Variants in SHISA9 observed in about 807,000 individuals in gnomAD.
SHISA9 encodes the protein shisa family member 9.
In SHISA9, 13 loss-of-function variants were observed where a neutral mutation model predicts 38.0. That is an observed-to-expected ratio of 0.34 (90% CI 0.22 to 0.54). The LOEUF is 0.54. Ranked by LOEUF, SHISA9 falls within the 20% of genes least tolerant of loss-of-function variation. The pLI is 0.91. For synonymous variants in SHISA9, 275 were observed against 242.0 expected, an observed-to-expected ratio of 1.14 and a Z score of -1.27; for missense variants, 538 against 575.8, an observed-to-expected ratio of 0.93 and a Z score of 0.67.
chr16:13,464,154 T>A, the SHISA9 span, among the ~76,000 whole-genome samples: 1 of 152,214 alleles, frequency 6.6e-6, no homozygotes, highest in Non-Finnish European at 1.5e-5. Context: ...TGTGACTTTC[T>A]TTATAGAGTA....
intron 2 of SHISA9, 109 bp downstream of exon 2, chr16:12,916,924 G>C: frequency 8.0e-7 from 1 of 1,247,052 alleles, no homozygotes; most frequent in South Asian, 1.7e-5. Context: ...CTCTTTGTGG[G>C]CAAGTTAGAA....
intron 2 of SHISA9, among the ~76,000 whole-genome samples, chr16:13,039,540 A>G (rs1341011469): frequency 7.1e-6 from 1 of 141,048 alleles, no homozygotes; most frequent in Non-Finnish European, 1.5e-5. Flanking sequence ...ATTAAGGAGG[A>G]TGACATATTG....
the SHISA9 span, among the ~76,000 whole-genome samples, chr16:13,377,800 G>C: frequency 1.3e-4 from 20 of 152,202 alleles, no homozygotes; most frequent in Non-Finnish European, 2.2e-4. Flanking sequence ...GGCCAAGGTG[G>C]GCGGATCACT....
the SHISA9 span, among the ~76,000 whole-genome samples, chr16:13,434,424 T>TTTTTTTTGTTTGTTTTG: frequency 2.7e-4 from 35 of 127,418 alleles, 1 homozygote; most frequent in South Asian, 1.1e-3. Context: ...GCTATGTTTT[T>TTTTTTTTGTTTGTTTTG]TTTTTTTTTT....
intron 2 of SHISA9, among the ~76,000 whole-genome samples, chr16:12,993,169 T>C (rs753007035): frequency 5.9e-5 from 9 of 152,198 alleles, no homozygotes; most frequent in Non-Finnish European, 1.2e-4. Context: ...TCCGTGAGGC[T>C]CCCAGGCACC....
chr16:13,554,018 A>G, the SHISA9 span, among the ~76,000 whole-genome samples: 1 of 152,196 alleles, frequency 6.6e-6, no homozygotes, highest in Non-Finnish European at 1.5e-5. Flanking sequence ...CAAGACCACA[A>G]CTATGAGTGT....
At chr16:13,278,550 GT>G in the SHISA9 span, among the ~76,000 whole-genome samples, 1 of 151,810 alleles carries the variant, frequency 6.6e-6, no homozygotes, top group African/African-American at 2.4e-5. Context: ...TGGTCCCGGA[GT>G]TTTTTTGTTG....
At chr16:12,976,181 G>C (rs532431740) in intron 2 of SHISA9, among the ~76,000 whole-genome samples, 1 of 152,014 alleles carries the variant, frequency 6.6e-6, no homozygotes, top group Non-Finnish European at 1.5e-5. Flanking sequence ...TCTGCTTCTC[G>C]GGTTCAAGAG....
At chr16:12,939,102 C>T (rs1206943836) in intron 2 of SHISA9, among the ~76,000 whole-genome samples, 2 of 151,766 alleles carry the variant, frequency 1.3e-5, no homozygotes, top group African/African-American at 4.8e-5. Context: ...TTCTTTCCTT[C>T]TGATGGAGTC....
intron 2 of SHISA9, among the ~76,000 whole-genome samples, chr16:12,953,348 G>A (rs1448775387): frequency 1.3e-5 from 2 of 152,152 alleles, no homozygotes; most frequent in Non-Finnish European, 2.9e-5. Flanking sequence ...TCATGACAAT[G>A]CAATGTGGAA....
intron 2 of SHISA9, among the ~76,000 whole-genome samples, chr16:13,035,678 G>A (rs993807610): frequency 2.0e-4 from 31 of 152,020 alleles, no homozygotes; most frequent in African/African-American, 6.8e-4. Context: ...CTATGGGTAC[G>A]CACCACCATG....
the SHISA9 span, among the ~76,000 whole-genome samples, chr16:13,436,879 C>T: frequency 6.6e-6 from 1 of 152,202 alleles, no homozygotes; most frequent in Non-Finnish European, 1.5e-5. Flanking sequence ...GCAAGCAAGG[C>T]AGTGAAGTTT....
chr16:13,259,582 C>T, the SHISA9 span, among the ~76,000 whole-genome samples: 1 of 152,336 alleles, frequency 6.6e-6, no homozygotes, highest in Non-Finnish European at 1.5e-5. Context: ...CCTATGCATC[C>T]AAGAGTTTCC....
At chr16:13,000,436 T>C (rs1265848193) in intron 2 of SHISA9, among the ~76,000 whole-genome samples, 1 of 152,184 alleles carries the variant, frequency 6.6e-6, no homozygotes, top group Non-Finnish European at 1.5e-5. Flanking sequence ...GGAGTGTAAA[T>C]GGCATCTCAG....
intron 2 of SHISA9, among the ~76,000 whole-genome samples, chr16:13,059,273 G>A (rs2073346813): frequency 6.6e-6 from 1 of 151,752 alleles, no homozygotes; most frequent in African/African-American, 2.4e-5. Flanking sequence ...GAGTACAGGT[G>A]GCCGCCACCA....
chr16:13,433,764 G>A, the SHISA9 span, among the ~76,000 whole-genome samples: 1 of 152,232 alleles, frequency 6.6e-6, no homozygotes, highest in Non-Finnish European at 1.5e-5. Flanking sequence ...ACTGAGCTTG[G>A]AGGAAGGATT....
chr16:13,102,303 A>G (rs1009101511), intron 2 of SHISA9, among the ~76,000 whole-genome samples: 3 of 152,202 alleles, frequency 2.0e-5, no homozygotes, highest in Non-Finnish European at 2.9e-5. Context: ...CATCCAGGTC[A>G]CAGGATAGAG....
intron 2 of SHISA9, among the ~76,000 whole-genome samples, chr16:13,043,090 C>G (rs1434888831): frequency 6.6e-6 from 1 of 152,166 alleles, no homozygotes; most frequent in Non-Finnish European, 1.5e-5. Context: ...ATGGGATGCT[C>G]TGCTCCATGC....
intron 2 of SHISA9, among the ~76,000 whole-genome samples, chr16:13,006,589 C>T (rs1191051368): frequency 6.6e-6 from 1 of 152,230 alleles, no homozygotes; most frequent in African/African-American, 2.4e-5. Context: ...GAATCTTGCA[C>T]AATGCCTGGC....
Sources: gnomAD v4.1 joint callset for allele counts (sites outside exome capture counted in the v4.1 genomes callset) on GRCh38, gnomAD v4.1.1 for gene constraint, MANE v1.5 for transcripts, NCBI Gene and HGNC (gene_info 2026-07-23, HGNC 2026-07-21) for gene names.